Variants in PROX1 observed in about 807,000 individuals in gnomAD.
PROX1 encodes the protein prospero homeobox protein 1.
In PROX1, 7 loss-of-function variants were observed where a neutral mutation model predicts 58.8. The ratio of observed to expected loss-of-function variants is 0.12; its 90% CI spans 0.07 to 0.22. The LOEUF is 0.22. Among genes scored for constraint, PROX1 ranks in the 10% least tolerant of loss-of-function variants. PROX1 has a pLI of 1.00. For synonymous variants in PROX1, 350 were observed against 358.3 expected (o/e 0.98, Z 0.26); for missense variants, 675 against 927.8 (o/e 0.73, Z 3.54).
intron 4 of PROX1, among the ~76,000 whole-genome samples, chr1:214,013,837 C>T (rs1664002552): frequency 6.6e-6 from 1 of 152,128 alleles, no homozygotes. Context: ...GGGGCCCGGG[C>T]AGGAATTTTG....
upstream of PROX1, chr1:213,984,022 A>G (rs1266273395): frequency 6.6e-6 from 1 of 152,118 alleles, no homozygotes; most frequent in Non-Finnish European, 1.5e-5. Context: ...ACCATCTGTT[A>G]ATATCTTGGT....
At chr1:213,989,285 C>T (rs1662932493) in intron 1 of PROX1, among the ~76,000 whole-genome samples, 1 of 151,680 alleles carries the variant, frequency 6.6e-6, no homozygotes, top group African/African-American at 2.4e-5. Context: ...GCTCCTGGAC[C>T]CAGGGCTGGG....
At chr1:214,007,259 A>G (rs1663748949) in intron 3 of PROX1, among the ~76,000 whole-genome samples, 1 of 152,190 alleles carries the variant, frequency 6.6e-6, no homozygotes, top group Non-Finnish European at 1.5e-5. Context: ...TTTCAAAAGC[A>G]CTAATATTCA....
chr1:214,025,823 G>A (rs959997901), intron 4 of PROX1, among the ~76,000 whole-genome samples: 11 of 152,062 alleles, frequency 7.2e-5, no homozygotes, highest in Admixed American at 1.3e-4. Context: ...CACCACGCCC[G>A]GCTAATTTTT....
chr1:214,000,033 C>CTG (rs1663437754), intron 2 of PROX1, among the ~76,000 whole-genome samples: 1 of 150,970 alleles, frequency 6.6e-6, no homozygotes, highest in African/African-American at 2.5e-5. Context: ...TTCTGTCTCT[C>CTG]TCTCTCTCTT....
intron 4 of PROX1, chr1:214,028,903 GGCAGGA>G (rs772509629): frequency 3.9e-5 from 6 of 152,232 alleles, no homozygotes; most frequent in Non-Finnish European, 7.3e-5. Context: ...TTCAGCCTCT[GGCAGGA>G]GAGTTTAGTG....
intron 3 of PROX1, among the ~76,000 whole-genome samples, chr1:214,010,603 T>C (rs1663874878): frequency 6.6e-6 from 1 of 152,200 alleles, no homozygotes. Context: ...ACTTGGCAAG[T>C]TGAGACTCAT....
chr1:214,005,294 A>G (rs1378439481), intron 3 of PROX1, 22 bp downstream of exon 3: 1 of 1,562,080 alleles, frequency 6.4e-7, no homozygotes, highest in South Asian at 1.1e-5. Context: ...TTTTATTCTT[A>G]ATTTTTTCAT....
chr1:214,028,770 TC>T (rs1172476115), intron 4 of PROX1: 3 of 152,178 alleles, frequency 2.0e-5, no homozygotes, highest in Non-Finnish European at 2.9e-5. Context: ...CACCATTCCT[TC>T]TCTTCTGGAG....
intron 4 of PROX1, among the ~76,000 whole-genome samples, chr1:214,025,266 C>A (rs762856436): frequency 6.6e-6 from 1 of 152,084 alleles, no homozygotes; most frequent in Non-Finnish European, 1.5e-5. Context: ...CCTTACAGGT[C>A]GAATTCAAGT....
chr1:213,984,861 T>C (rs192309832), upstream of PROX1: 1 of 152,552 alleles, frequency 6.6e-6, no homozygotes, highest in Admixed American at 6.5e-5. Context: ...TTGGTTTGTT[T>C]AGGATCTGAT....
In PROX1 at chr1:213,997,805, T is replaced by C. The variant is rs1468659984; in HGVS notation, c.1270T>C (p.Phe424Leu). Residue 424 changes from phenylalanine to leucine, a missense_variant, in exon 2 of 5, where the codon TTT becomes CTT. Around this residue, in one of 8 missense-constraint regions of PROX1, gnomAD observed 403 missense variants for 477.4 expected, o/e 0.84. Transcript: ENST00000366958. This position sits in a 1 kb window ranked among gnomAD's most constrained non-coding sequence, Gnocchi z 7.1. ...CATCATTCCGAACCCCCTGGACACC[T>C]TTGGCAATGTGCAGATGGCCAGTTC... ...DVIIPNPLDT[F>L]GNVQMASSTD... 5 of 1,614,164 alleles carry C rather than the reference T, an allele frequency of 3.1e-6. No individual in the cohort carries two copies. Among genetic ancestry groups the C allele is most frequent in the Non-Finnish European group, 3.4e-6 (4 of 1,180,018 alleles).
chr1:214,030,236 C>T (rs545580359), intron 4 of PROX1: 1 of 152,522 alleles, frequency 6.6e-6, no homozygotes, highest in South Asian at 2.1e-4. Flanking sequence ...CAAACTAATT[C>T]ACCAAAATAC....
chr1:214,018,018 A>G (rs1664154687), intron 4 of PROX1, among the ~76,000 whole-genome samples: 1 of 152,188 alleles, frequency 6.6e-6, no homozygotes, highest in Non-Finnish European at 1.5e-5. Flanking sequence ...GGATGTTATC[A>G]TTGTGTTCAG....
At chr1:213,990,670 G>A (rs893784622) in intron 1 of PROX1, among the ~76,000 whole-genome samples, 3 of 46,708 alleles carry the variant, frequency 6.4e-5, no homozygotes, top group Non-Finnish European at 1.9e-4. Context: ...GTGTGTGTGT[G>A]TGTGTGTGTG....
intron 4 of PROX1, among the ~76,000 whole-genome samples, chr1:214,028,181 C>T (rs76585569): frequency 7.2e-5 from 11 of 152,202 alleles, no homozygotes; most frequent in Non-Finnish European, 1.5e-4. Flanking sequence ...TGGGGTAACT[C>T]GGCAGGCACC....
chr1:213,990,630 CAGAG>C lies in PROX1; in HGVS notation c.-68+2167_-68+2170del, dbSNP rs71165943. Among the ~76,000 whole-genome samples the C allele has an allele frequency of 6.2e-3, 870 of 139,260 alleles. 5 individuals are homozygous for C. The highest frequency in any genetic ancestry group is 0.018 in the African/African-American group (678 of 36,800). 91.4% of individuals were successfully genotyped at this position (139,260 alleles called of 152,430 possible). ...GCCTATCTCCCAGGTCTGTGCTTGG[CAGAG>C]AGAGAGAGAGAGAGAGAGAACTGTC... On this transcript the variant is annotated intron_variant, in intron 1 of 4. Coordinates refer to ENST00000366958, the MANE Select transcript of PROX1 (RefSeq NM_001270616.2).
At chr1:213,986,676 G>T (rs1662832998), upstream of PROX1, among the ~76,000 whole-genome samples, 1 of 152,188 alleles carries the variant, frequency 6.6e-6, no homozygotes, top group Admixed American at 6.5e-5. Context: ...TTACAAAAAT[G>T]AGTGTCTAAT....
chr1:214,031,994 T>C (rs1664674144), intron 4 of PROX1, among the ~76,000 whole-genome samples: 1 of 152,222 alleles, frequency 6.6e-6, no homozygotes, highest in Admixed American at 6.5e-5. Flanking sequence ...TGCATGAGTA[T>C]CACCTCAAAG....
Sources: allele counts gnomAD v4.1 joint callset (sites outside exome capture counted in the v4.1 genomes callset), GRCh38; gene constraint gnomAD v4.1.1; regional missense constraint gnomAD v4.1.1; non-coding constraint Gnocchi (gnomAD v3.1); transcripts MANE v1.5; gene names NCBI Gene and HGNC (gene_info 2026-07-23, HGNC 2026-07-21).